CLSTN2: variants seen among roughly 807,000 people sequenced by gnomAD.
CLSTN2 encodes the protein calsyntenin-2.
CLSTN2 carries 48 observed loss-of-function variants against 101.2 expected under a neutral mutation model. The ratio of observed to expected loss-of-function variants is 0.47; its 90% CI spans 0.38 to 0.60. The LOEUF (loss-of-function observed/expected upper bound fraction) is 0.60. CLSTN2 is among the 20% of genes least tolerant of loss of function. The pLI is 0.00. For missense variants in CLSTN2, 1,160 were observed against 1,238.2 expected (o/e 0.94, Z 0.95); for synonymous variants, 481 against 463.6 (o/e 1.04, Z -0.48).
At chr3:140,259,126 A>C (rs2086627863) in intron 2 of CLSTN2, among the ~76,000 whole-genome samples, 1 of 150,742 alleles carries the variant, frequency 6.6e-6, no homozygotes, top group African/African-American at 2.4e-5. Flanking sequence ...TAAAAGACAA[A>C]ATTTTAATTT....
In CLSTN2 at chr3:140,560,759, T is replaced by C. The variant is rs544763607; in HGVS notation, c.2042-1379T>C. ...ACTCCCTACCTCAGGGAGCTCTCAGTCAGCCACAGCGGGAGGTAGGAACAA... is the reference window on the plus strand; with the variant it reads ...ACTCCCTACCTCAGGGAGCTCTCAGCCAGCCACAGCGGGAGGTAGGAACAA... On this transcript the variant is annotated intron_variant, in intron 12 of 16. Coordinates refer to ENST00000458420, the MANE Select transcript of CLSTN2 (RefSeq NM_022131.3). 4.6e-5 allele frequency among the ~76,000 whole-genome samples: 7 copies of C among 152,128 alleles called. No homozygotes were observed. The East Asian group carries it at 1.4e-3, about 29-fold the overall frequency.
At chr3:140,501,547 AT>A (rs894020295) in intron 8 of CLSTN2, among the ~76,000 whole-genome samples, 2 of 152,126 alleles carry the variant, frequency 1.3e-5, no homozygotes, top group African/African-American at 2.4e-5. Context: ...AGTTGTATGA[AT>A]TTTTTCTAGC....
intron 2 of CLSTN2, among the ~76,000 whole-genome samples, chr3:140,328,158 G>T (rs890954114): frequency 2.2e-4 from 33 of 152,342 alleles, no homozygotes; most frequent in African/African-American, 7.9e-4. Flanking sequence ...GAAGTTATGG[G>T]AGCTGGACTC....
At chr3:140,105,973 A>G (rs1409159105) in intron 1 of CLSTN2, among the ~76,000 whole-genome samples, 1 of 152,188 alleles carries the variant, frequency 6.6e-6, no homozygotes, top group Non-Finnish European at 1.5e-5. Flanking sequence ...AGAGGCTGGC[A>G]TGGTGGGCCT....
intron 1 of CLSTN2, among the ~76,000 whole-genome samples, chr3:140,057,936 G>A (rs1250922352): frequency 1.3e-5 from 2 of 152,164 alleles, no homozygotes; most frequent in African/African-American, 4.8e-5. Context: ...AAATGGCTAA[G>A]GCAAGAGATG....
intron 8 of CLSTN2, among the ~76,000 whole-genome samples, chr3:140,481,788 A>C (rs1934123059): frequency 6.6e-6 from 1 of 152,206 alleles, no homozygotes; most frequent in Non-Finnish European, 1.5e-5. Flanking sequence ...TGATTTTTGC[A>C]CATTGATTTT....
At chr3:140,370,350 T>A (rs912987151) in intron 2 of CLSTN2, among the ~76,000 whole-genome samples, 1 of 152,190 alleles carries the variant, frequency 6.6e-6, no homozygotes, top group Non-Finnish European at 1.5e-5. Flanking sequence ...CAGTCCAGGA[T>A]GGAAAGCTTG....
rs533866283 is a variant in CLSTN2 at position 140,563,357 on chromosome 3, T to C, written c.2482+154T>C. 2.2e-4 allele frequency among the ~76,000 whole-genome samples: 33 copies of C among 152,298 alleles called. No individual in the cohort carries two copies. In the South Asian group the frequency reaches 6.2e-3, roughly 29 times the overall value. On this transcript the variant is annotated intron_variant, in intron 15 of 16. Coordinates refer to ENST00000458420, the MANE Select transcript of CLSTN2 (RefSeq NM_022131.3). ...GAGAAAATGTGCCCTGGCTTTGAGA[T>C]ACTCACACCCTCAATAGGCAGTCGA...
intron 1 of CLSTN2, among the ~76,000 whole-genome samples, chr3:140,076,171 T>C (rs1166922814): frequency 6.6e-6 from 1 of 152,234 alleles, no homozygotes; most frequent in Non-Finnish European, 1.5e-5. Flanking sequence ...TTGTCCTCTG[T>C]GATGGGCTTG....
intron 2 of CLSTN2, among the ~76,000 whole-genome samples, chr3:140,282,961 C>T (rs915177647): frequency 3.9e-5 from 6 of 152,132 alleles, no homozygotes; most frequent in Non-Finnish European, 8.8e-5. Context: ...AAAAGTGGGT[C>T]CTCAGGATGG....
chr3:140,192,258 T>C (rs2010576854), intron 2 of CLSTN2, among the ~76,000 whole-genome samples: 1 of 151,930 alleles, frequency 6.6e-6, no homozygotes, highest in Non-Finnish European at 1.5e-5. Flanking sequence ...CAGTAGATAT[T>C]CTGTGGGCAC....
intron 1 of CLSTN2, among the ~76,000 whole-genome samples, chr3:140,168,406 G>T (rs1317269696): frequency 6.6e-6 from 1 of 151,946 alleles, no homozygotes; most frequent in Admixed American, 6.6e-5. Flanking sequence ...TATATATTTT[G>T]GATACAAGAC....
intron 2 of CLSTN2, among the ~76,000 whole-genome samples, chr3:140,311,339 T>C (rs2087166115): frequency 7.5e-6 from 1 of 132,858 alleles, no homozygotes; most frequent in African/African-American, 2.8e-5. Flanking sequence ...AGAGTCTCTC[T>C]TTGCTGCCTA....
chr3:140,016,062 A>T (rs2007194049), intron 1 of CLSTN2, among the ~76,000 whole-genome samples: 1 of 152,204 alleles, frequency 6.6e-6, no homozygotes, highest in Admixed American at 6.5e-5. Flanking sequence ...TTATAGGAGG[A>T]CTTAGACTGT....
At chr3:140,394,051 C>T (rs73228961) in intron 2 of CLSTN2, among the ~76,000 whole-genome samples, 6,641 of 152,134 alleles carry the variant, frequency 0.044, 158 homozygotes, top group African/African-American at 0.062. Flanking sequence ...CAGCAGAACC[C>T]GGGAAGTGCC....
chr3:140,359,231 T>C (rs1388217521), intron 2 of CLSTN2, among the ~76,000 whole-genome samples: 1 of 151,868 alleles, frequency 6.6e-6, no homozygotes, highest in Non-Finnish European at 1.5e-5. Context: ...TCTGCATCCA[T>C]TGATAGAGGA....
intron 1 of CLSTN2, among the ~76,000 whole-genome samples, chr3:139,955,027 A>G (rs1265378535): frequency 6.7e-6 from 1 of 149,578 alleles, no homozygotes; most frequent in African/African-American, 2.5e-5. Context: ...GAGTGTTAGC[A>G]TATATAACAT....
At chr3:140,415,807 T>C (rs1315512975) in intron 4 of CLSTN2, among the ~76,000 whole-genome samples, 4 of 152,172 alleles carry the variant, frequency 2.6e-5, no homozygotes, top group African/African-American at 9.7e-5. Flanking sequence ...CTCAAAAAAT[T>C]ATGAATAGAA....
chr3:139,992,537 A>T (rs1936132613), intron 1 of CLSTN2, among the ~76,000 whole-genome samples: 1 of 152,270 alleles, frequency 6.6e-6, no homozygotes, highest in Admixed American at 6.5e-5. Context: ...TGTAGGCAAA[A>T]CAGAGCCTCA....
Sources: gnomAD v4.1 joint callset for allele counts (sites outside exome capture counted in the v4.1 genomes callset) on GRCh38, gnomAD v4.1.1 for gene constraint, MANE v1.5 for transcripts, NCBI Gene and HGNC (gene_info 2026-07-23, HGNC 2026-07-21) for gene names.